ACSF2: variants seen among roughly 807,000 people sequenced by gnomAD.
The protein encoded by ACSF2 is acyl-CoA synthetase family member 2.
A neutral mutation model predicts 79.3 loss-of-function variants in ACSF2; 52 were observed. The ratio of observed to expected loss-of-function variants is 0.66; its 90% confidence interval spans 0.53 to 0.83. The LOEUF (loss-of-function observed/expected upper bound fraction) is 0.83. Ranked by LOEUF, ACSF2 falls within the 40% of genes least tolerant of loss-of-function variation. ACSF2 has a pLI of 0.00. For synonymous variants in ACSF2, 283 were observed against 312.6 expected (o/e 0.91, Z 1.00); for missense variants, 661 against 803.3 (o/e 0.82, Z 2.14).
intron 1 of ACSF2, among the ~76,000 whole-genome samples, chr17:50,441,754 T>G (rs1160377021): frequency 1.3e-5 from 2 of 152,222 alleles, no homozygotes; most frequent in African/African-American, 4.8e-5. Context: ...CTCACATTTT[T>G]CTGAAATCTG....
Position 50,461,663 on chromosome 17 carries a change from G to A in ACSF2, c.484G>A (p.Glu162Lys). 1 of 1,614,142 alleles carries A rather than the reference G, an allele frequency of 6.2e-7. No individual in the cohort carries two copies. ...TGTGAACCCAGCCTACCAGGCTATG[G>A]AACTGGAGTATGTCCTCAAGAAGGT... ...VSVNPAYQAM[E>K]LEYVLKKVGC... Residue 162 changes from glutamate (E) to lysine (K), a missense_variant, in exon 4 of 16, where the codon GAA becomes AAA. Glu to Lys is a moderately conservative substitution (Grantham distance 56). Coordinates refer to ENST00000300441, the MANE Select transcript of ACSF2 (RefSeq NM_025149.6).
At chr17:50,460,955 A>T in intron 2 of ACSF2, 83 bp downstream of exon 2, 2 of 1,446,600 alleles carry the variant, frequency 1.4e-6, no homozygotes, top group Non-Finnish European at 1.9e-6. Flanking sequence ...GAGCGTGGGC[A>T]CCTGGCTATG....
At chr17:50,451,237 C>A (rs936821165) in intron 1 of ACSF2, among the ~76,000 whole-genome samples, 2 of 152,090 alleles carry the variant, frequency 1.3e-5, no homozygotes, top group Non-Finnish European at 2.9e-5. Flanking sequence ...TGTGCCTGGC[C>A]CAAGTTTTTG....
At chr17:50,472,281 TG>T in intron 11 of ACSF2, 146 bp from the exon 12 acceptor site, 1 of 904,426 alleles carries the variant, frequency 1.1e-6, no homozygotes, top group Non-Finnish European at 1.6e-6. Flanking sequence ...CTCCCTTCTC[TG>T]GATGGGGATA....
In ACSF2 at chr17:50,445,806, TA is replaced by T. The variant is rs11390963; in HGVS notation, c.129-14855del. Among the ~76,000 whole-genome samples, 717 of 145,330 alleles carry T rather than the reference TA, an allele frequency of 4.9e-3. 3 individuals carry two copies. The highest frequency in any genetic ancestry group is 3.9e-3 in the Non-Finnish European group (259 of 66,414). On this transcript the variant is annotated intron_variant, in intron 1 of 15. Transcript: ENST00000300441. ...TCAGAGCAAGACCCCATCCTATCTT[TA>T]AAAAAAAAAAAAAAATTGTAAAGCT...
intron 1 of ACSF2, among the ~76,000 whole-genome samples, chr17:50,427,803 A>G (rs972723246): frequency 6.6e-6 from 1 of 152,176 alleles, no homozygotes; most frequent in African/African-American, 2.4e-5. Flanking sequence ...TTTTATCTAT[A>G]AACAAAACAG....
chr17:50,456,575 A>T (rs1010074032), intron 1 of ACSF2, among the ~76,000 whole-genome samples: 1 of 151,842 alleles, frequency 6.6e-6, no homozygotes, highest in African/African-American at 2.4e-5. Context: ...TCTACTAAAC[A>T]TGCAAAATTA....
chr17:50,462,693 CT>C, intron 6 of ACSF2, 108 bp downstream of exon 6: 3 of 1,310,252 alleles, frequency 2.3e-6, no homozygotes, highest in Non-Finnish European at 3.2e-6. Context: ...GCCTTCTTTA[CT>C]GAGACTGGCC....
At chr17:50,441,238 C>T (rs1211344492) in intron 1 of ACSF2, among the ~76,000 whole-genome samples, 8 of 152,246 alleles carry the variant, frequency 5.3e-5, no homozygotes, top group Non-Finnish European at 1.2e-4. Flanking sequence ...GGCACGATGT[C>T]GGCTCACTGC....
intron 10 of ACSF2, among the ~76,000 whole-genome samples, chr17:50,466,039 A>G (rs888272979): frequency 8.6e-5 from 13 of 151,198 alleles, no homozygotes; most frequent in Admixed American, 7.9e-4. Flanking sequence ...AATCCAATCT[A>G]CACAACCCCC....
At position 50,464,773 on chromosome 17, in the gene ACSF2, G is replaced by T. The variant is rs1445944035; in HGVS notation, c.1215+479G>T. ...CTGTTGTGGTTCTGATTGACTTGGG[G>T]GGGGGGTCTCAGCAACAGCTTCTCC... On this transcript the variant is annotated intron_variant, in intron 10 of 15. Transcript: ENST00000300441. 6.3e-5 allele frequency: 21 copies of T among 333,514 alleles called. 1 individual carries two copies. Among genetic ancestry groups the T allele is most frequent in the South Asian group, 4.2e-4 (19 of 45,262 alleles). 20.7% of individuals were successfully genotyped at this position (333,514 alleles called of 1,614,324 possible).
chr17:50,426,731 C>T lies in ACSF2; in HGVS notation c.128+342C>T, dbSNP rs1051303482. On this transcript the variant is annotated intron_variant, in intron 1 of 15. Transcript: ENST00000300441. ...AAGGGCCAAGGCCTGGGCTGTACCC[C>T]CAGGACACTGCCTCTGAGTTGGAAC... 2.6e-5 allele frequency among the ~76,000 whole-genome samples: 4 copies of T among 152,198 alleles called. No individual in the cohort carries two copies. In the South Asian group the frequency reaches 6.2e-4, roughly 24 times the overall value.
At position 50,462,508 on chromosome 17, in the gene ACSF2, C is replaced by T. The variant is rs201428015; in HGVS notation, c.715C>T (p.Arg239Trp). Residue 239 changes from arginine to tryptophan, a missense_variant, in exon 6 of 16, where the codon CGG becomes TGG. Physicochemically the swap from Arg to Trp is moderately radical, Grantham distance 101. Transcript: ENST00000300441. ...TGAAGTGGTGGCGGCTGGCAGCACA[C>T]GGCAGCATCTGGACCAGCTCCAATA... ...LDEVVAAGSTRQHLDQLQYNQ... is the reference protein window; with the variant it reads ...LDEVVAAGSTWQHLDQLQYNQ... 1.0e-4 allele frequency: 161 copies of T among 1,613,816 alleles called. No homozygotes were observed. Among genetic ancestry groups the T allele is most frequent in the Middle Eastern group, 6.6e-4 (4 of 6,084 alleles).
chr17:50,473,493 C>T lies in ACSF2; in HGVS notation c.1476-172C>T, dbSNP rs2033208582. ...ATTGTTTTGTTTTTGTCTACCTCCC[C>T]TCCCCTTACTGGACTATTAATTCCA... is the stretch of plus-strand genomic sequence containing the variant. On this transcript the variant is annotated intron_variant, in intron 12 of 15. Coordinates refer to ENST00000300441, the MANE Select transcript of ACSF2 (RefSeq NM_025149.6). 4 of 831,896 alleles carry T rather than the reference C, an allele frequency of 4.8e-6. No homozygotes were observed. In the Admixed American group the frequency reaches 8.3e-5, roughly 17 times the overall value. The allele number at this position is 831,896 out of a possible 1,614,324, so 51.5% of individuals were successfully genotyped here. A position where few individuals can be genotyped will look rare whatever the true frequency, so the allele number is the denominator to read the frequency against.
At chr17:50,451,686 G>A (rs1360088851) in intron 1 of ACSF2, among the ~76,000 whole-genome samples, 1 of 152,198 alleles carries the variant, frequency 6.6e-6, no homozygotes, top group Non-Finnish European at 1.5e-5. Flanking sequence ...CTGACCTCTG[G>A]TGATCTGTTC....
chr17:50,440,168 A>T (rs949159785), intron 1 of ACSF2, among the ~76,000 whole-genome samples: 1 of 151,940 alleles, frequency 6.6e-6, no homozygotes, highest in Non-Finnish European at 1.5e-5. Context: ...GGCTTGGAAC[A>T]AAACAGGATA....
chr17:50,426,620 G>A (rs1351911928), intron 1 of ACSF2, among the ~76,000 whole-genome samples: 1 of 152,222 alleles, frequency 6.6e-6, no homozygotes, highest in Non-Finnish European at 1.5e-5. Flanking sequence ...TCGAGTTCTG[G>A]TCCAAGACTC....
rs754125652 is a variant in ACSF2, at chr17:50,467,849, T to C, written c.1216-3179T>C. 4 of 569,866 alleles carry C rather than the reference T, an allele frequency of 7.0e-6. No homozygotes were observed. The South Asian group carries it at 8.6e-5, about 12-fold the overall frequency. The allele number at this position is 569,866 out of a possible 1,614,324, so 35.3% of individuals were successfully genotyped here. A position where few individuals can be genotyped will look rare whatever the true frequency, so the allele number is the denominator to read the frequency against. ...ATCCTAGGAGGGCAGTGGTCGAGAC[T>C]GGCAGCAGACAGGGATTAGGGTAGG... On this transcript the variant is annotated intron_variant, in intron 10 of 15. Coordinates refer to ENST00000300441, the MANE Select transcript of ACSF2 (RefSeq NM_025149.6).
intron 1 of ACSF2, among the ~76,000 whole-genome samples, chr17:50,454,031 G>T (rs776589375): frequency 3.7e-4 from 56 of 152,078 alleles, no homozygotes; most frequent in Non-Finnish European, 7.5e-4. Flanking sequence ...CAACCATGGG[G>T]TCATACACTT....
Sources: gnomAD v4.1 joint callset for allele counts (sites outside exome capture counted in the v4.1 genomes callset) on GRCh38, gnomAD v4.1.1 for gene constraint, MANE v1.5 for transcripts, NCBI Gene and HGNC (gene_info 2026-07-23, HGNC 2026-07-21) for gene names.